HCN1: variants seen among roughly 807,000 people sequenced by gnomAD.
HCN1 encodes the protein potassium/sodium hyperpolarization-activated cyclic nucleotide-gated channel 1.
In HCN1, 13 loss-of-function variants were observed where a neutral mutation model predicts 78.9. The observed-to-expected ratio is 0.16, with a 90% CI of 0.11 to 0.26. The LOEUF (loss-of-function observed/expected upper bound fraction) is 0.26. HCN1 is among the 10% of genes least tolerant of loss of function. The probability of loss-of-function intolerance (pLI) is 1.00; values close to 1 mark genes in which losing one functional copy is unlikely to be tolerated. For synonymous variants in HCN1, 552 were observed against 455.5 expected (o/e 1.21, Z -2.70); for missense variants, 810 against 1,154.3 (o/e 0.70, Z 4.32).
At chr5:45,656,760 GT>G (rs1263697188) in intron 1 of HCN1, among the ~76,000 whole-genome samples, 1 of 152,076 alleles carries the variant, frequency 6.6e-6, no homozygotes, top group Admixed American at 6.6e-5. Context: ...AAAGTGTTAA[GT>G]TCTGTTTATA....
intron 2 of HCN1, among the ~76,000 whole-genome samples, chr5:45,467,886 C>CT (rs3057668): frequency 6.6e-6 from 1 of 152,000 alleles, no homozygotes; most frequent in Admixed American, 6.6e-5. Context: ...TTTCCTAATT[C>CT]TTTTTTTCCC....
chr5:45,624,406 G>A (rs1049520642), intron 2 of HCN1, among the ~76,000 whole-genome samples: 1 of 152,174 alleles, frequency 6.6e-6, no homozygotes, highest in African/African-American at 2.4e-5. Flanking sequence ...TGGAAACAGT[G>A]AGAAAGAGTA....
chr5:45,628,006 C>T (rs1403897492), intron 2 of HCN1, among the ~76,000 whole-genome samples: 1 of 152,106 alleles, frequency 6.6e-6, no homozygotes, highest in Non-Finnish European at 1.5e-5. Context: ...GTGAATTCTA[C>T]AAAAGCATAG....
At chr5:45,334,064 C>T (rs1746401835) in intron 5 of HCN1, among the ~76,000 whole-genome samples, 1 of 151,626 alleles carries the variant, frequency 6.6e-6, no homozygotes, top group African/African-American at 2.4e-5. Flanking sequence ...CTCTTTTCTC[C>T]AAGATCACTT....
chr5:45,286,247 A>G (rs537149706), intron 6 of HCN1, among the ~76,000 whole-genome samples: 2 of 152,098 alleles, frequency 1.3e-5, no homozygotes, highest in East Asian at 3.9e-4. Flanking sequence ...AAGTGCAAAC[A>G]TTATATCCTT....
chr5:45,494,742 T>G (rs1741985780), intron 2 of HCN1, among the ~76,000 whole-genome samples: 2 of 152,212 alleles, frequency 1.3e-5, no homozygotes, highest in Non-Finnish European at 2.9e-5. Context: ...GGTCTAACGT[T>G]TAAGTCTTTA....
intron 5 of HCN1, among the ~76,000 whole-genome samples, chr5:45,315,630 G>A (rs1038304201): frequency 1.3e-5 from 2 of 151,994 alleles, no homozygotes; most frequent in African/African-American, 2.4e-5. Context: ...CCAGGAGCTG[G>A]TTTTTGAAAA....
intron 5 of HCN1, among the ~76,000 whole-genome samples, chr5:45,331,043 A>C (rs902594334): frequency 4.0e-5 from 6 of 151,204 alleles, no homozygotes; most frequent in African/African-American, 1.2e-4. Flanking sequence ...ATATATGTCA[A>C]ATATTTCTAC....
At chr5:45,559,466 T>G (rs1743550722) in intron 2 of HCN1, 1 of 152,214 alleles carries the variant, frequency 6.6e-6, no homozygotes, top group South Asian at 2.1e-4. Context: ...TACACAAGTC[T>G]GGAAGAAGTA....
At chr5:45,296,413 AT>A (rs1745495364) in intron 6 of HCN1, among the ~76,000 whole-genome samples, 2 of 151,992 alleles carry the variant, frequency 1.3e-5, no homozygotes, top group African/African-American at 4.8e-5. Context: ...TATTAAAAAA[AT>A]GAAAGAAAAT....
chr5:45,552,700 C>G (rs774083876), intron 2 of HCN1, among the ~76,000 whole-genome samples: 21 of 151,916 alleles, frequency 1.4e-4, no homozygotes, highest in Non-Finnish European at 2.9e-4. Context: ...TTTACTCATC[C>G]ACTCAAAAAT....
At chr5:45,349,583 G>A (rs1217489571) in intron 5 of HCN1, among the ~76,000 whole-genome samples, 2 of 152,078 alleles carry the variant, frequency 1.3e-5, no homozygotes, top group Admixed American at 6.5e-5. Flanking sequence ...AAGAATGCAG[G>A]AGCTGGTTTT....
In HCN1 at chr5:45,567,610, T is replaced by C. The variant is rs550359410; in HGVS notation, c.849+77575A>G. ...ACACACACACACACACACACAGAGTTATATACAGTTCAAAAACATGGTGGC... is the reference window on the plus strand; with the variant it reads ...ACACACACACACACACACACAGAGTCATATACAGTTCAAAAACATGGTGGC... On this transcript the variant is annotated intron_variant, in intron 2 of 7. Transcript: ENST00000303230. Among the ~76,000 whole-genome samples the C allele has an allele frequency of 2.2e-5, 3 of 138,154 alleles. No individual in the cohort carries two copies. The South Asian group carries it at 7.1e-4, about 33-fold the overall frequency. The allele number at this position is 138,154 out of a possible 152,430, so 90.6% of individuals were successfully genotyped here. A position where few individuals can be genotyped will look rare whatever the true frequency, so the allele number is the denominator to read the frequency against.
chr5:45,371,461 T>G (rs931025911), intron 4 of HCN1, among the ~76,000 whole-genome samples: 2 of 151,590 alleles, frequency 1.3e-5, no homozygotes, highest in African/African-American at 4.8e-5. Flanking sequence ...CTGAACCCAC[T>G]GAAATACAAA....
intron 5 of HCN1, among the ~76,000 whole-genome samples, chr5:45,332,437 T>C (rs906616206): frequency 2.6e-5 from 4 of 151,276 alleles, no homozygotes; most frequent in Non-Finnish European, 5.9e-5. Context: ...ATTCATTCTT[T>C]CTATTTTTTT....
intron 3 of HCN1, among the ~76,000 whole-genome samples, chr5:45,416,198 G>C (rs1215904812): frequency 6.6e-6 from 1 of 151,680 alleles, no homozygotes; most frequent in Non-Finnish European, 1.5e-5. Flanking sequence ...AAATTTATTA[G>C]GTATTATTTT....
At chr5:45,332,003 A>T (rs1282515859) in intron 5 of HCN1, among the ~76,000 whole-genome samples, 1 of 151,582 alleles carries the variant, frequency 6.6e-6, no homozygotes, top group Non-Finnish European at 1.5e-5. Flanking sequence ...GATATTTTAA[A>T]CAACAGAAAA....
rs71000638 is a variant in HCN1, at chr5:45,537,523, CTTTTTTTTT to C, written c.850-75525_850-75517del. ...TCACTAATTTAAAGCAACTCTAAGT[CTTTTTTTTT>C]TTTTTTTTTTTTTTTTTTTTTTTTG... On this transcript the variant is annotated intron_variant, in intron 2 of 7. Coordinates refer to ENST00000303230, the MANE Select transcript of HCN1 (RefSeq NM_021072.4). Among the ~76,000 whole-genome samples, 207 of 25,716 alleles carry C rather than the reference CTTTTTTTTT, an allele frequency of 8.0e-3. 1 individual carries two copies. Among genetic ancestry groups the C allele is most frequent in the African/African-American group, 0.024 (143 of 6,082 alleles). 16.9% of individuals were successfully genotyped at this position (25,716 alleles called of 152,430 possible).
At chr5:45,523,046 C>T (rs529821804) in intron 2 of HCN1, among the ~76,000 whole-genome samples, 3 of 146,270 alleles carry the variant, frequency 2.1e-5, no homozygotes, top group African/African-American at 5.0e-5. Flanking sequence ...GTGTGATGTT[C>T]CCCTTCCTGT....
Sources: gnomAD v4.1 joint callset for allele counts (sites outside exome capture counted in the v4.1 genomes callset) on GRCh38, gnomAD v4.1.1 for gene constraint, MANE v1.5 for transcripts, NCBI Gene and HGNC (gene_info 2026-07-23, HGNC 2026-07-21) for gene names.